The following FBXW7 variants were observed in gnomAD, a reference collection of about 807,000 sequenced individuals.
The protein encoded by FBXW7 is F-box and WD repeat domain containing 7.
FBXW7 carries 11 observed loss-of-function variants against 86.3 expected under a neutral mutation model. That is an observed-to-expected ratio of 0.13 (90% CI 0.08 to 0.21). The LOEUF (loss-of-function observed/expected upper bound fraction) is 0.21. FBXW7 is among the 10% of genes least tolerant of loss of function. The pLI, the probability that FBXW7 is intolerant of heterozygous loss-of-function variation, is 1.00. For missense variants in FBXW7, 488 were observed against 847.4 expected, an observed-to-expected ratio of 0.58 and a Z score of 5.27; for synonymous variants, 313 against 297.9, an observed-to-expected ratio of 1.05 and a Z score of -0.52.
intron 4 of FBXW7, among the ~76,000 whole-genome samples, chr4:152,361,452 C>T (rs1477742252): frequency 3.9e-5 from 6 of 152,072 alleles, no homozygotes; most frequent in African/African-American, 1.4e-4. Context: ...TTCCAAAAGA[C>T]TCTGAAGGTC....
chr4:152,477,405 G>A (rs999951868), intron 2 of FBXW7, among the ~76,000 whole-genome samples: 8 of 151,972 alleles, frequency 5.3e-5, no homozygotes, highest in East Asian at 1.9e-4. Flanking sequence ...CATTGAATAC[G>A]TATTTTAACA....
intron 11 of FBXW7, among the ~76,000 whole-genome samples, chr4:152,327,974 G>C (rs1025308029): frequency 1.3e-5 from 2 of 151,920 alleles, no homozygotes; most frequent in African/African-American, 4.8e-5. Flanking sequence ...TTAGAGAGTA[G>C]AGAGTTTCAA....
intron 2 of FBXW7, among the ~76,000 whole-genome samples, chr4:152,499,205 A>T (rs533071433): frequency 6.6e-6 from 1 of 152,130 alleles, no homozygotes; most frequent in African/African-American, 2.4e-5. Flanking sequence ...TGCTACCTCT[A>T]AACAGCTCAA....
chr4:152,447,581 T>A (rs1741523761), intron 2 of FBXW7, among the ~76,000 whole-genome samples: 1 of 152,212 alleles, frequency 6.6e-6, no homozygotes, highest in Admixed American at 6.5e-5. Context: ...TATTTTAAAA[T>A]AATCACTTTG....
At chr4:152,362,901 T>C (rs1733123394) in intron 4 of FBXW7, among the ~76,000 whole-genome samples, 1 of 149,798 alleles carries the variant, frequency 6.7e-6, no homozygotes, top group African/African-American at 2.4e-5. Flanking sequence ...GATATGTTAA[T>C]CATCATGATC....
intron 4 of FBXW7, among the ~76,000 whole-genome samples, chr4:152,403,818 A>G (rs1224646737): frequency 6.6e-6 from 1 of 152,188 alleles, no homozygotes; most frequent in Non-Finnish European, 1.5e-5. Flanking sequence ...AGACTGGTCC[A>G]TGGCCTGGGG....
chr4:152,530,106 T>C (rs939787455), intron 2 of FBXW7, among the ~76,000 whole-genome samples: 20 of 149,284 alleles, frequency 1.3e-4, no homozygotes, highest in Admixed American at 1.3e-4. Context: ...CACACACGTG[T>C]ATATATATAC....
chr4:152,511,337 A>G (rs1747957360), intron 2 of FBXW7, among the ~76,000 whole-genome samples: 2 of 134,098 alleles, frequency 1.5e-5, no homozygotes, highest in African/African-American at 5.7e-5. Flanking sequence ...TGTGGAGTGC[A>G]TGACCATGGA....
intron 4 of FBXW7, among the ~76,000 whole-genome samples, chr4:152,371,056 T>C (rs1254295649): frequency 1.3e-5 from 2 of 151,918 alleles, no homozygotes; most frequent in Admixed American, 6.6e-5. Context: ...AATAACTGAA[T>C]TGAAACTGCT....
intron 4 of FBXW7, among the ~76,000 whole-genome samples, chr4:152,371,465 T>C (rs542063879): frequency 3.3e-5 from 5 of 152,124 alleles, no homozygotes; most frequent in South Asian, 2.1e-4. Context: ...TTGCTTGTAA[T>C]AGATACTATC....
At chr4:152,466,141 C>A (rs1743407527) in intron 2 of FBXW7, among the ~76,000 whole-genome samples, 1 of 152,180 alleles carries the variant, frequency 6.6e-6, no homozygotes, top group South Asian at 2.1e-4. Context: ...CTGTTACACA[C>A]CATTTCTCCA....
At chr4:152,389,322 G>GC (rs1488697428) in intron 4 of FBXW7, among the ~76,000 whole-genome samples, 1 of 151,896 alleles carries the variant, frequency 6.6e-6, no homozygotes, top group Non-Finnish European at 1.5e-5. Flanking sequence ...TTTTAAAGAT[G>GC]CCCAAGAATT....
chr4:152,455,130 T>C (rs1742290201), intron 2 of FBXW7, among the ~76,000 whole-genome samples: 1 of 152,188 alleles, frequency 6.6e-6, no homozygotes. Flanking sequence ...TTGTTCTAAA[T>C]ACTGATTTTT....
At chr4:152,380,654 A>C (rs1452608896) in intron 4 of FBXW7, among the ~76,000 whole-genome samples, 1 of 151,972 alleles carries the variant, frequency 6.6e-6, no homozygotes, top group Non-Finnish European at 1.5e-5. Context: ...TATGTCTTTT[A>C]AACTTAATGT....
At chr4:152,385,849 A>G (rs1054413290) in intron 4 of FBXW7, among the ~76,000 whole-genome samples, 8 of 152,070 alleles carry the variant, frequency 5.3e-5, no homozygotes, top group African/African-American at 1.9e-4. Flanking sequence ...TTGTCATAAT[A>G]TATTTTTGGA....
intron 2 of FBXW7, among the ~76,000 whole-genome samples, chr4:152,517,820 A>G (rs894908876): frequency 1.8e-4 from 27 of 152,202 alleles, no homozygotes; most frequent in Non-Finnish European, 5.9e-5. Context: ...GGAAACCTGT[A>G]GTAGATTATG....
intron 2 of FBXW7, among the ~76,000 whole-genome samples, chr4:152,413,954 C>T (rs1416802040): frequency 6.6e-6 from 1 of 152,044 alleles, no homozygotes; most frequent in South Asian, 2.1e-4. Flanking sequence ...CAGTTGATTC[C>T]CATTCACAGT....
chr4:152,485,326 G>A (rs560738257), intron 2 of FBXW7, among the ~76,000 whole-genome samples: 5 of 152,034 alleles, frequency 3.3e-5, no homozygotes, highest in South Asian at 4.1e-4. Context: ...TAAGCATAGC[G>A]ATCTGACTAT....
chr4:152,361,426 C>G (rs950357591), intron 4 of FBXW7, among the ~76,000 whole-genome samples: 1 of 151,982 alleles, frequency 6.6e-6, no homozygotes, highest in Non-Finnish European at 1.5e-5. Flanking sequence ...ACATGATTCC[C>G]TACCTGTTTA....
Sources: gnomAD v4.1 joint callset for allele counts (sites outside exome capture counted in the v4.1 genomes callset) on GRCh38, gnomAD v4.1.1 for gene constraint, MANE v1.5 for transcripts, NCBI Gene and HGNC (gene_info 2026-07-23, HGNC 2026-07-21) for gene names.